Variants in KCNMA1 observed in about 807,000 individuals in gnomAD.
KCNMA1 encodes the protein potassium calcium-activated channel subfamily M alpha 1.
Under a neutral mutation model 140.0 loss-of-function variants are expected in KCNMA1, and 29 were observed. The ratio of observed to expected loss-of-function variants is 0.21; its 90% CI spans 0.15 to 0.28. The LOEUF (loss-of-function observed/expected upper bound fraction) is 0.28, where lower values mean the gene tolerates loss of function less well. Among genes scored for constraint, KCNMA1 ranks in the 10% least tolerant of loss-of-function variants. The probability of loss-of-function intolerance (pLI) is 1.00; values close to 1 mark genes in which losing one functional copy is unlikely to be tolerated. For synonymous variants in KCNMA1, 612 were observed against 611.9 expected (o/e 1.00, Z 0.00); for missense variants, 880 against 1,602.2 (o/e 0.55, Z 7.70).
intron 1 of KCNMA1, among the ~76,000 whole-genome samples, chr10:77,629,223 T>C (rs1413975365): frequency 6.6e-6 from 1 of 152,124 alleles, no homozygotes; most frequent in African/African-American, 2.4e-5. Context: ...CACCAAATAA[T>C]GCCAAAAACA....
At chr10:77,505,199 G>T (rs2154546300) in intron 1 of KCNMA1, among the ~76,000 whole-genome samples, 1 of 152,332 alleles carries the variant, frequency 6.6e-6, no homozygotes, top group South Asian at 2.1e-4. Flanking sequence ...AGTGGTACCT[G>T]GGTAGCAAGT....
chr10:77,523,678 T>A (rs2054429140), intron 1 of KCNMA1, among the ~76,000 whole-genome samples: 1 of 152,248 alleles, frequency 6.6e-6, no homozygotes, highest in South Asian at 2.1e-4. Flanking sequence ...TGAATATGCA[T>A]ATACTTTGTG....
intron 1 of KCNMA1, among the ~76,000 whole-genome samples, chr10:77,444,041 T>C (rs1247615208): frequency 6.6e-6 from 1 of 152,092 alleles, no homozygotes; most frequent in Non-Finnish European, 1.5e-5. Flanking sequence ...TATTTATCAG[T>C]AAAAATAAAA....
intron 5 of KCNMA1, among the ~76,000 whole-genome samples, chr10:77,126,710 GCCCCCCACCCCCCCACCCC>G: frequency 6.0e-5 from 1 of 16,752 alleles, no homozygotes; most frequent in South Asian, 2.8e-3. Flanking sequence ...CAGTGGTGGT[GCCCCCCACCCCCCCACCCC>G]CCCCCCACCA....
At chr10:77,048,399 C>T (rs573794154) in intron 14 of KCNMA1, among the ~76,000 whole-genome samples, 10 of 152,294 alleles carry the variant, frequency 6.6e-5, no homozygotes, top group Non-Finnish European at 1.2e-4. Flanking sequence ...CCATAATTTC[C>T]CCTGCTTCAG....
rs5786291 is a variant in KCNMA1, at chr10:77,519,495, ATT to A, written c.379-115474_379-115473del. ...CAACACTCCACTGAGAAGATAATTG[ATT>A]TTTTTTTTGTTTTATGATTATTTGC... On this transcript the variant is annotated intron_variant, in intron 1 of 27. Transcript: ENST00000286628. Among the ~76,000 whole-genome samples the A allele has an allele frequency of 3.5e-3, 528 of 151,328 alleles. 4 individuals are homozygous for A. The highest frequency in any genetic ancestry group is 0.012 in the African/African-American group (475 of 41,292).
At chr10:77,206,304 GA>G in intron 3 of KCNMA1, among the ~76,000 whole-genome samples, 2 of 152,208 alleles carry the variant, frequency 1.3e-5, no homozygotes, top group East Asian at 3.9e-4. Context: ...AAAAGAGTTT[GA>G]AAAAAATGTG....
chr10:76,880,709 A>G (rs1360243079), downstream of KCNMA1, among the ~76,000 whole-genome samples: 1 of 152,218 alleles, frequency 6.6e-6, no homozygotes, highest in African/African-American at 2.4e-5. Context: ...AACAATGCCA[A>G]TGGGTGGCTA....
chr10:76,947,882 T>C (rs1011721589), intron 22 of KCNMA1, among the ~76,000 whole-genome samples: 2 of 152,186 alleles, frequency 1.3e-5, no homozygotes, highest in Non-Finnish European at 2.9e-5. Flanking sequence ...TGGCTCTTTT[T>C]CCCCCCATTT....
intron 17 of KCNMA1, chr10:77,012,392 G>T: frequency 6.5e-7 from 1 of 1,534,198 alleles, no homozygotes; most frequent in Non-Finnish European, 8.8e-7. Flanking sequence ...TGAGCCCTGG[G>T]CCCTTGGTGG....
intron 19 of KCNMA1, among the ~76,000 whole-genome samples, chr10:76,978,912 A>T (rs1018356997): frequency 6.6e-6 from 1 of 152,208 alleles, no homozygotes; most frequent in Non-Finnish European, 1.5e-5. Flanking sequence ...CATTCTGTTC[A>T]TCCTGGATTT....
At chr10:77,226,617 C>T (rs2051515352) in intron 3 of KCNMA1, among the ~76,000 whole-genome samples, 2 of 152,020 alleles carry the variant, frequency 1.3e-5, no homozygotes, top group South Asian at 2.1e-4. Flanking sequence ...GATAGCCTGT[C>T]GAAAACAATC....
At chr10:77,045,565 A>G (rs533322387) in intron 14 of KCNMA1, among the ~76,000 whole-genome samples, 22 of 152,346 alleles carry the variant, frequency 1.4e-4, no homozygotes, top group Admixed American at 5.2e-4. Flanking sequence ...TTTCACACCA[A>G]TCCACGGGCA....
At chr10:77,037,763 C>A (rs1243133223) in intron 15 of KCNMA1, among the ~76,000 whole-genome samples, 2 of 152,176 alleles carry the variant, frequency 1.3e-5, no homozygotes, top group South Asian at 2.1e-4. Context: ...CATTAGACAG[C>A]CAAGGCTTCA....
intron 25 of KCNMA1, among the ~76,000 whole-genome samples, chr10:76,895,129 C>T (rs761664748): frequency 1.1e-4 from 17 of 152,096 alleles, no homozygotes; most frequent in South Asian, 2.1e-4. Context: ...ATCTAATTAC[C>T]GGTGCATGCC....
At chr10:77,340,599 A>T (rs189719117) in intron 2 of KCNMA1, among the ~76,000 whole-genome samples, 108 of 152,216 alleles carry the variant, frequency 7.1e-4, no homozygotes, top group Admixed American at 1.6e-3. Context: ...ATTCTCAGCA[A>T]ACTATCGCAA....
rs577234339 is a variant in KCNMA1 at position 77,525,814 on chromosome 10, G to T, written c.378+111451C>A. ...TACTAACATGGCCCCATCTTGTCCA[G>T]GTTCCCACTCCTTCTCCACAGTGTC... is the stretch of plus-strand genomic sequence containing the variant. On this transcript the variant is annotated intron_variant, in intron 1 of 27. Coordinates refer to ENST00000286628, the MANE Select transcript of KCNMA1 (RefSeq NM_001161352.2). Among the ~76,000 whole-genome samples, 11 of 152,276 alleles carry T rather than the reference G, an allele frequency of 7.2e-5. No individual in the cohort carries two copies. The East Asian group carries it at 1.4e-3, about 19-fold the overall frequency.
chr10:77,390,722 C>T (rs1412703255), intron 2 of KCNMA1, among the ~76,000 whole-genome samples: 2 of 152,246 alleles, frequency 1.3e-5, no homozygotes, highest in African/African-American at 4.8e-5. Flanking sequence ...GGACCTATCC[C>T]AGTACACTTC....
chr10:76,887,834 C>A (rs754863713), intron 27 of KCNMA1: 17 of 377,808 alleles, frequency 4.5e-5, no homozygotes, highest in Non-Finnish European at 7.5e-5. Flanking sequence ...AGTAGCCCAA[C>A]CGCAAGAGGT....
Sources: allele counts gnomAD v4.1 joint callset (sites outside exome capture counted in the v4.1 genomes callset), GRCh38; gene constraint gnomAD v4.1.1; transcripts MANE v1.5; gene names NCBI Gene and HGNC (gene_info 2026-07-23, HGNC 2026-07-21).